The following DKK2 variants were observed in gnomAD, a reference collection of about 807,000 sequenced individuals.
DKK2 encodes dickkopf-related protein 2.
DKK2 carries 11 observed loss-of-function variants against 28.1 expected under a neutral mutation model. That is an observed-to-expected ratio of 0.39 (90% confidence interval 0.25 to 0.65). The LOEUF (loss-of-function observed/expected upper bound fraction) is 0.65. Among genes scored for constraint, DKK2 ranks in the 30% least tolerant of loss-of-function variants. The probability of loss-of-function intolerance (pLI) is 0.47; values close to 1 mark genes in which losing one functional copy is unlikely to be tolerated. For synonymous variants in DKK2, 135 were observed against 126.5 expected (o/e 1.07, Z -0.45); for missense variants, 326 against 335.5 (o/e 0.97, Z 0.22).
chr4:106,955,162 A>G (rs1268036832), intron 1 of DKK2, among the ~76,000 whole-genome samples: 2 of 152,158 alleles, frequency 1.3e-5, no homozygotes, highest in African/African-American at 2.4e-5. Context: ...AAGTTACTGG[A>G]AACTGAATGG....
rs969893941 is a variant in DKK2, at chr4:106,922,181, A to G, written c.*1773T>C. On this transcript the variant is annotated 3_prime_UTR_variant, in exon 4 of 4. Transcript: ENST00000285311. Reference sequence around the variant, plus strand: ...TGTGCAGAAAATGTAAGTCTTAATCATCTTAGTAAATATATGTGGGAAGTT... The same window carrying G: ...TGTGCAGAAAATGTAAGTCTTAATCGTCTTAGTAAATATATGTGGGAAGTT... 2.0e-5 allele frequency: 3 copies of G among 152,486 alleles called. No individual in the cohort carries two copies. The highest frequency in any genetic ancestry group is 7.2e-5 in the African/African-American group (3 of 41,456). The allele number at this position is 152,486 out of a possible 1,614,324, so 9.4% of individuals were successfully genotyped here.
At chr4:106,954,981 T>A (rs1293605158) in intron 1 of DKK2, among the ~76,000 whole-genome samples, 1 of 152,196 alleles carries the variant, frequency 6.6e-6, no homozygotes, top group African/African-American at 2.4e-5. Flanking sequence ...GACAATGACC[T>A]CACACATTCA....
In DKK2 at chr4:107,012,560, C is replaced by T. The variant is rs1007838081; in HGVS notation, c.222+22810G>A. Among the ~76,000 whole-genome samples the T allele has an allele frequency of 1.1e-4, 17 of 151,184 alleles. 1 individual carries two copies. The highest frequency in any genetic ancestry group is 5.9e-4 in the Admixed American group (9 of 15,160). ...ACTCAAAATAGGATATTTTCAAAGA[C>T]GGTGAGTAACAGAAGAATATACTAG... On this transcript the variant is annotated intron_variant, in intron 1 of 3. Transcript: ENST00000285311.
chr4:106,969,495 G>A (rs1255251564), intron 1 of DKK2, among the ~76,000 whole-genome samples: 1 of 151,808 alleles, frequency 6.6e-6, no homozygotes, highest in East Asian at 1.9e-4. Context: ...AAATTAATAA[G>A]TAACTTGCAC....
At position 107,014,846 on chromosome 4, in the gene DKK2, CA is replaced by C. The variant is rs531994668; in HGVS notation, c.222+20523del. 9.3e-3 allele frequency among the ~76,000 whole-genome samples: 1,409 copies of C among 151,268 alleles called. 22 individuals carry two copies. Among genetic ancestry groups the C allele is most frequent in the African/African-American group, 0.032 (1,331 of 41,452 alleles). On this transcript the variant is annotated intron_variant, in intron 1 of 3. Coordinates refer to ENST00000285311, the MANE Select transcript of DKK2 (RefSeq NM_014421.3). The stretch of plus-strand genomic sequence containing the variant: ...ACACACACACAAACACACACACACA[CA>C]GTCTTCTATCAGTAGCCATTGTATT...
At chr4:106,945,484 G>A (rs1043141275) in intron 1 of DKK2, among the ~76,000 whole-genome samples, 2 of 152,024 alleles carry the variant, frequency 1.3e-5, no homozygotes, top group Non-Finnish European at 2.9e-5. Flanking sequence ...TGTACATAGA[G>A]CTTTTTGTCT....
At chr4:107,002,377 G>T (rs1471225378) in intron 1 of DKK2, among the ~76,000 whole-genome samples, 1 of 152,220 alleles carries the variant, frequency 6.6e-6, no homozygotes, top group African/African-American at 2.4e-5. Context: ...TCCATAAGCA[G>T]AAGCTGGATC....
In DKK2 at chr4:107,027,730, C is replaced by T. The variant is rs972438718; in HGVS notation, c.222+7640G>A. On this transcript the variant is annotated intron_variant, in intron 1 of 3. Transcript: ENST00000285311. ...CTTGTGGTTAAACAACTAATATTGACTTGCTTATGACCTCCACCTATTATG... is the reference window on the plus strand; with the variant it reads ...CTTGTGGTTAAACAACTAATATTGATTTGCTTATGACCTCCACCTATTATG... Among the ~76,000 whole-genome samples the T allele has an allele frequency of 3.3e-5, 5 of 151,100 alleles. No homozygotes were observed. The South Asian group carries it at 8.4e-4, about 25-fold the overall frequency.
At chr4:107,027,836 T>G (rs952032806) in intron 1 of DKK2, among the ~76,000 whole-genome samples, 2 of 150,606 alleles carry the variant, frequency 1.3e-5, no homozygotes, top group East Asian at 4.0e-4. Flanking sequence ...ACTGCAAGCT[T>G]CGCCTCCCGG....
intron 1 of DKK2, among the ~76,000 whole-genome samples, chr4:107,030,427 T>C (rs1723859603): frequency 1.3e-5 from 2 of 152,052 alleles, no homozygotes; most frequent in Middle Eastern, 3.2e-3. Flanking sequence ...CTATCAATTA[T>C]GATTAGCCTT....
At chr4:106,971,224 C>T (rs1722863662) in intron 1 of DKK2, among the ~76,000 whole-genome samples, 1 of 152,072 alleles carries the variant, frequency 6.6e-6, no homozygotes, top group East Asian at 1.9e-4. Flanking sequence ...AATTAACTTT[C>T]TAAGTGATAC....
chr4:106,943,842 C>T (rs1353102614), intron 1 of DKK2, among the ~76,000 whole-genome samples: 1 of 152,056 alleles, frequency 6.6e-6, no homozygotes, highest in East Asian at 1.9e-4. Context: ...AACTATTTTA[C>T]CCCTTTTCTA....
At chr4:107,006,460 G>A (rs567475419) in intron 1 of DKK2, among the ~76,000 whole-genome samples, 22 of 152,206 alleles carry the variant, frequency 1.4e-4, no homozygotes, top group African/African-American at 5.1e-4. Flanking sequence ...TGGGAAAAAA[G>A]AATACCTTCA....
chr4:106,972,671 A>AGTGT, intron 1 of DKK2, among the ~76,000 whole-genome samples: 1 of 152,236 alleles, frequency 6.6e-6, no homozygotes, highest in East Asian at 1.9e-4. Flanking sequence ...TTCTTAGAAC[A>AGTGT]GTGTCTAGCT....
Position 106,965,001 on chromosome 4 carries a change from A to G in DKK2, c.223-39052T>C, listed in dbSNP as rs534795441. Among the ~76,000 whole-genome samples the G allele has an allele frequency of 3.1e-3, 461 of 147,236 alleles. 2 individuals are homozygous for G. Among genetic ancestry groups the G allele is most frequent in the African/African-American group, 0.012 (446 of 37,994 alleles). On this transcript the variant is annotated intron_variant, in intron 1 of 3. Transcript: ENST00000285311. ...GATAGATAGATAGATAGATAGATAG[A>G]TAGATTGATTGATTCTGATTCTCTG...
intron 1 of DKK2, among the ~76,000 whole-genome samples, chr4:107,009,754 A>C (rs1177393685): frequency 6.6e-6 from 1 of 151,880 alleles, no homozygotes; most frequent in Non-Finnish European, 1.5e-5. Flanking sequence ...TCACTTTGAC[A>C]CAGCATTGGA....
intron 1 of DKK2, among the ~76,000 whole-genome samples, chr4:106,967,987 A>T (rs1722808962): frequency 6.6e-6 from 1 of 151,144 alleles, no homozygotes; most frequent in African/African-American, 2.4e-5. Context: ...AAAAGTAGAA[A>T]GGTAGTAAGA....
chr4:106,952,537 C>A (rs1434718221), intron 1 of DKK2, among the ~76,000 whole-genome samples: 2 of 152,056 alleles, frequency 1.3e-5, no homozygotes, highest in Non-Finnish European at 2.9e-5. Context: ...TTAATCAAAT[C>A]CTATCTCCTT....
intron 1 of DKK2, among the ~76,000 whole-genome samples, chr4:106,932,233 C>CCT (rs1560574294): frequency 6.6e-6 from 1 of 152,118 alleles, no homozygotes; most frequent in Non-Finnish European, 1.5e-5. Flanking sequence ...AAGAGTATCT[C>CCT]CTAAAACTAT....
Sources: gnomAD v4.1 joint callset for allele counts (sites outside exome capture counted in the v4.1 genomes callset) on GRCh38, gnomAD v4.1.1 for gene constraint, MANE v1.5 for transcripts, NCBI Gene and HGNC (gene_info 2026-07-23, HGNC 2026-07-21) for gene names.